Variants in DCAF12 observed in about 807,000 individuals in gnomAD.
The protein encoded by DCAF12 is DDB1 and CUL4 associated factor 12.
Under a neutral mutation model 52.8 loss-of-function variants are expected in DCAF12, and 28 were observed. The observed-to-expected ratio is 0.53, with a 90% CI of 0.39 to 0.73. The LOEUF (loss-of-function observed/expected upper bound fraction) is 0.73, where lower values mean the gene tolerates loss of function less well. Among genes scored for constraint, DCAF12 ranks in the 30% least tolerant of loss-of-function variants. The pLI, the probability that DCAF12 is intolerant of heterozygous loss-of-function variation, is 0.00. For missense variants in DCAF12, 425 were observed against 552.2 expected (o/e 0.77, Z 2.31); for synonymous variants, 196 against 215.5 (o/e 0.91, Z 0.79).
chr9:34,110,239 C>A (rs1372372368), intron 2 of DCAF12, among the ~76,000 whole-genome samples: 2 of 152,092 alleles, frequency 1.3e-5, no homozygotes, highest in African/African-American at 4.8e-5. Flanking sequence ...ATGCCCAAAA[C>A]AAATAACCTT....
intron 7 of DCAF12, among the ~76,000 whole-genome samples, chr9:34,093,000 T>C (rs1189334850): frequency 6.6e-6 from 1 of 152,198 alleles, no homozygotes; most frequent in Non-Finnish European, 1.5e-5. Context: ...CATGCGCCAC[T>C]GCGCCCGGCT....
intron 4 of DCAF12, among the ~76,000 whole-genome samples, chr9:34,099,071 G>A (rs1828785816): frequency 8.5e-6 from 1 of 118,322 alleles, no homozygotes; most frequent in Admixed American, 9.0e-5. Flanking sequence ...CACCTGGTCT[G>A]CTTTTTTTTT....
chr9:34,106,148 A>G (rs1828900593), intron 4 of DCAF12, among the ~76,000 whole-genome samples: 3 of 152,176 alleles, frequency 2.0e-5, no homozygotes, highest in African/African-American at 7.2e-5. Flanking sequence ...GCTGGAGTGC[A>G]GTGGCACGAT....
At chr9:34,090,198 G>A (rs1183921986) in intron 7 of DCAF12, among the ~76,000 whole-genome samples, 2 of 152,062 alleles carry the variant, frequency 1.3e-5, no homozygotes, top group African/African-American at 4.8e-5. Context: ...CAAGTAGCTG[G>A]GATTACAGGC....
intron 4 of DCAF12, among the ~76,000 whole-genome samples, chr9:34,105,020 G>A (rs1174975193): frequency 1.3e-5 from 2 of 151,766 alleles, no homozygotes; most frequent in African/African-American, 2.4e-5. Context: ...TTGGGAGGCC[G>A]AGGCAGGCGA....
In DCAF12 at chr9:34,096,726, G is replaced by A. The variant is rs761504714; in HGVS notation, c.851C>T (p.Thr284Ile). The stretch of plus-strand genomic sequence containing the variant: ...TCATGTTCATCACACCTTAGATAGT[G>A]TATTTTCAGCCTTCCAGAGATGAAA... ...GYFHLWKAENTLSKLLSTKLP... is the reference protein window; with the variant it reads ...GYFHLWKAENILSKLLSTKLP... The change falls in exon 6 of 9, where the codon ACA (threonine) becomes ATA (isoleucine). Residue 284 changes from threonine (T) to isoleucine (I), a missense_variant. Physicochemically the swap from Thr to Ile is moderately conservative, Grantham distance 89 (BLOSUM62 -1). Around this residue, in one of 3 missense-constraint regions of DCAF12, gnomAD observed 328 missense variants for 444.4 expected, o/e 0.74. Coordinates refer to ENST00000361264, the MANE Select transcript of DCAF12 (RefSeq NM_015397.4). 1.9e-6 allele frequency: 3 copies of A among 1,613,772 alleles called. No homozygotes were observed. The highest frequency in any genetic ancestry group is 3.3e-5 in the Admixed American group (2 of 59,986).
At chr9:34,106,383 A>G in intron 4 of DCAF12, 51 bp downstream of exon 4, 5 of 1,476,584 alleles carry the variant, frequency 3.4e-6, no homozygotes, top group Non-Finnish European at 4.7e-6. Context: ...TTCAATCTCT[A>G]GCCCCCAATC....
chr9:34,117,737 A>G (rs1161698162), intron 2 of DCAF12, among the ~76,000 whole-genome samples: 1 of 152,084 alleles, frequency 6.6e-6, no homozygotes, highest in African/African-American at 2.4e-5. Context: ...CAACATGGAG[A>G]AACCCCATCT....
At chr9:34,107,993 A>G (rs1303538198) in intron 2 of DCAF12, among the ~76,000 whole-genome samples, 1 of 152,178 alleles carries the variant, frequency 6.6e-6, no homozygotes, top group East Asian at 1.9e-4. Flanking sequence ...GGCTACTAAT[A>G]TAACTATTAA....
chr9:34,115,056 A>G (rs938147232), intron 2 of DCAF12, among the ~76,000 whole-genome samples: 3 of 152,170 alleles, frequency 2.0e-5, no homozygotes, highest in South Asian at 2.1e-4. Flanking sequence ...CTGGAGCCCA[A>G]TGAGAAAGGA....
intron 4 of DCAF12, 51 bp from the exon 5 acceptor site, chr9:34,098,568 A>C: frequency 6.4e-7 from 1 of 1,559,360 alleles, no homozygotes; most frequent in Non-Finnish European, 8.7e-7. Context: ...CCTCTATGGG[A>C]AATCCCACAG....
rs1289589398 is a variant in DCAF12 at position 34,087,203 on chromosome 9, GC to G, written c.*1146del. ...GGTGGCTTCAACCCCAAGTCCCACT[GC>G]AGTAAGAAAATGAATATTCCACACA... On this transcript the variant is annotated 3_prime_UTR_variant, in exon 9 of 9. Coordinates refer to ENST00000361264, the MANE Select transcript of DCAF12 (RefSeq NM_015397.4). The G allele has an allele frequency of 6.6e-6, 1 of 152,268 alleles. No homozygotes were observed. The highest frequency in any genetic ancestry group is 1.5e-5 in the Non-Finnish European group (1 of 68,074). 9.4% of individuals were successfully genotyped at this position (152,268 alleles called of 1,614,324 possible). A position where few individuals can be genotyped will look rare whatever the true frequency, so the allele number is the denominator to read the frequency against.
intron 1 of DCAF12, among the ~76,000 whole-genome samples, chr9:34,125,950 G>A (rs80314791): frequency 6.6e-6 from 1 of 152,130 alleles, no homozygotes; most frequent in Non-Finnish European, 1.5e-5. Context: ...TATACATATA[G>A]GGAGACTACT....
rs544731527 is a variant in DCAF12, at chr9:34,088,594, C to T, written c.1204-86G>A. The T allele has an allele frequency of 1.9e-3, 2,796 of 1,485,180 alleles. 2 individuals carry two copies. The highest frequency in any genetic ancestry group is 2.4e-3 in the Non-Finnish European group (2,570 of 1,068,688). The allele number at this position is 1,485,180 out of a possible 1,614,324, so 92.0% of individuals were successfully genotyped here. A position where few individuals can be genotyped will look rare whatever the true frequency, so the allele number is the denominator to read the frequency against. On this transcript the variant is annotated intron_variant, in intron 8 of 8. Transcript: ENST00000361264. ...GGAAGGGACAGGAATGCTTTCTGGT[C>T]TCCTTAAGGGAACAGGGTTCTACAG...
At position 34,107,413 on chromosome 9, in the gene DCAF12, G is replaced by C; in HGVS notation, c.486C>G (p.Pro162=). Residue 162 remains proline, a synonymous_variant, in exon 3 of 9, where the codon CCC becomes CCG. Coordinates refer to ENST00000361264, the MANE Select transcript of DCAF12 (RefSeq NM_015397.4). ...GTAGTCGATAGATGGCAAGACTGTT[G>C]GGGTTGTCTCCTCCAGTGGCTAGCA... is the stretch of plus-strand genomic sequence containing the variant. ...RTLLATGGDN[P]NSLAIYRLPT... is the part of the protein sequence containing the mutation. 1 of 1,614,162 alleles carries C rather than the reference G, an allele frequency of 6.2e-7. No homozygotes were observed. The highest frequency in any genetic ancestry group is 8.5e-7 in the Non-Finnish European group (1 of 1,180,030).
intron 2 of DCAF12, among the ~76,000 whole-genome samples, chr9:34,116,795 A>C (rs1009012959): frequency 5.6e-4 from 86 of 152,356 alleles, no homozygotes; most frequent in African/African-American, 2.0e-3. Flanking sequence ...ATCCTGGCCA[A>C]CATGGCGAAA....
At position 34,109,191 on chromosome 9, in the gene DCAF12, C is replaced by A. The variant is rs140039233; in HGVS notation, c.334-1626G>T. 4.3e-3 allele frequency: 658 copies of A among 153,898 alleles called. 4 individuals carry two copies. Among genetic ancestry groups the A allele is most frequent in the Non-Finnish European group, 7.1e-3 (490 of 68,940 alleles). The allele number at this position is 153,898 out of a possible 1,614,324, so 9.5% of individuals were successfully genotyped here. ...AGGCTCTAGGCCACCTCCTCATAGG[C>A]CCACTCCTCAAACTCTCTCTCCTCC... On this transcript the variant is annotated intron_variant, in intron 2 of 8. Coordinates refer to ENST00000361264, the MANE Select transcript of DCAF12 (RefSeq NM_015397.4).
chr9:34,119,463 G>A (rs879937645), intron 2 of DCAF12, among the ~76,000 whole-genome samples: 14 of 152,026 alleles, frequency 9.2e-5, no homozygotes, highest in African/African-American at 1.4e-4. Flanking sequence ...TTCATTAAAC[G>A]TACTGAATTC....
At chr9:34,097,455 C>A (rs968939871) in intron 5 of DCAF12, among the ~76,000 whole-genome samples, 2 of 151,752 alleles carry the variant, frequency 1.3e-5, no homozygotes, top group Non-Finnish European at 1.5e-5. Flanking sequence ...TGGGGTTTTA[C>A]CATGTTGGCC....
Sources: gnomAD v4.1 joint callset for allele counts (sites outside exome capture counted in the v4.1 genomes callset) on GRCh38, gnomAD v4.1.1 for gene constraint, gnomAD v4.1.1 regional missense constraint, MANE v1.5 for transcripts, NCBI Gene and HGNC (gene_info 2026-07-23, HGNC 2026-07-21) for gene names.